HOOK3: variants seen among roughly 807,000 people sequenced by gnomAD.
The protein encoded by HOOK3 is protein Hook homolog 3.
In HOOK3, 24 loss-of-function variants were observed where a neutral mutation model predicts 116.3. The ratio of observed to expected loss-of-function variants is 0.21; its 90% CI spans 0.15 to 0.29. HOOK3 has a LOEUF of 0.29. Among genes scored for constraint, HOOK3 ranks in the 10% least tolerant of loss-of-function variants. HOOK3 has a pLI of 1.00. For missense variants in HOOK3, 632 were observed against 830.2 expected (o/e 0.76, Z 2.93); for synonymous variants, 275 against 283.0 (o/e 0.97, Z 0.28).
intron 8 of HOOK3, among the ~76,000 whole-genome samples, chr8:42,962,203 CT>C (rs1808545637): frequency 6.6e-6 from 1 of 151,770 alleles, no homozygotes; most frequent in Non-Finnish European, 1.5e-5. Context: ...CCACCTCAGC[CT>C]TCCAAATAGC....
At chr8:42,974,923 G>T (rs1024175048) in intron 13 of HOOK3, among the ~76,000 whole-genome samples, 2 of 152,222 alleles carry the variant, frequency 1.3e-5, no homozygotes, top group African/African-American at 4.8e-5. Context: ...CAGTCCAGCT[G>T]TCTGTGTGGA....
rs1353296020 is a variant in HOOK3 at position 43,015,573 on chromosome 8, T to C, written c.2016+2173T>C. 2.0e-5 allele frequency among the ~76,000 whole-genome samples: 3 copies of C among 152,164 alleles called. No homozygotes were observed. The East Asian group carries it at 5.8e-4, about 29-fold the overall frequency. On this transcript the variant is annotated intron_variant, in intron 21 of 21. Coordinates refer to ENST00000307602, the MANE Select transcript of HOOK3 (RefSeq NM_032410.4). ...TTCTTGAAAATTAAAATTCAAGAAA[T>C]AGAAAAAATAAAACTATATATTTAA...
intron 1 of HOOK3, among the ~76,000 whole-genome samples, chr8:42,902,276 CT>C (rs879696564): frequency 3.1e-3 from 439 of 143,242 alleles, no homozygotes; most frequent in Middle Eastern, 3.6e-3. Flanking sequence ...CTCTCTCTCT[CT>C]TTTTTTTTTT....
intron 13 of HOOK3, among the ~76,000 whole-genome samples, chr8:42,981,787 G>C (rs901507119): frequency 6.6e-6 from 1 of 150,864 alleles, no homozygotes; most frequent in Non-Finnish European, 1.5e-5. Flanking sequence ...AGCAGGCTGA[G>C]GTAGGAGAAT....
intron 2 of HOOK3, among the ~76,000 whole-genome samples, chr8:42,915,882 C>T (rs13271086): frequency 6.6e-6 from 1 of 152,182 alleles, no homozygotes; most frequent in African/African-American, 2.4e-5. Flanking sequence ...CAGATTTGCT[C>T]CTGAGAACCC....
At chr8:42,995,243 A>T (rs1809242544) in intron 15 of HOOK3, among the ~76,000 whole-genome samples, 1 of 151,448 alleles carries the variant, frequency 6.6e-6, no homozygotes, top group African/African-American at 2.4e-5. Context: ...GATTCTAAAC[A>T]CTCATTGTCT....
chr8:43,024,989 C>T lies in HOOK3; in HGVS notation c.*6491C>T, dbSNP rs1444970697. On this transcript the variant is annotated 3_prime_UTR_variant, in exon 22 of 22. Coordinates refer to ENST00000307602, the MANE Select transcript of HOOK3 (RefSeq NM_032410.4). The stretch of plus-strand genomic sequence containing the variant: ...AATAGCCTTTTATCAAACCATTTCA[C>T]ATGTATTATCTATATGACTATAGAA... 9.8e-6 allele frequency: 2 copies of T among 203,238 alleles called. No homozygotes were observed. The highest frequency in any genetic ancestry group is 2.3e-5 in the African/African-American group (1 of 43,754). The allele number at this position is 203,238 out of a possible 1,614,324, so 12.6% of individuals were successfully genotyped here. A position where few individuals can be genotyped will look rare whatever the true frequency, so the allele number is the denominator to read the frequency against.
rs1164136399 is a variant in HOOK3 at position 42,903,338 on chromosome 8, CTT to C, written c.58-2812_58-2811del. ...TACTGACTGTACTGTTAATAGTTGT[CTT>C]TTTTTTTTTTTTTTTTTTTTTTGAG... On this transcript the variant is annotated intron_variant, in intron 1 of 21. Transcript: ENST00000307602. Among the ~76,000 whole-genome samples the C allele has an allele frequency of 6.9e-3, 601 of 87,556 alleles. 2 individuals carry two copies. Among genetic ancestry groups the C allele is most frequent in the African/African-American group, 0.025 (527 of 21,048 alleles). 57.4% of individuals were successfully genotyped at this position (87,556 alleles called of 152,430 possible). A position where few individuals can be genotyped will look rare whatever the true frequency, so the allele number is the denominator to read the frequency against.
At chr8:42,961,469 G>GA (rs1377309567) in intron 8 of HOOK3, among the ~76,000 whole-genome samples, 1 of 152,182 alleles carries the variant, frequency 6.6e-6, no homozygotes, top group Non-Finnish European at 1.5e-5. Flanking sequence ...TGAGTGAAAT[G>GA]AATCAGTAAG....
intron 14 of HOOK3, among the ~76,000 whole-genome samples, chr8:42,983,328 T>C (rs564062183): frequency 0.016 from 2,285 of 142,456 alleles, 29 homozygotes; most frequent in Non-Finnish European, 0.022. Context: ...AGTGAGACTC[T>C]GTCTCAAAAA....
In HOOK3 at chr8:43,008,269, C is replaced by T. The variant is rs542787530; in HGVS notation, c.1738+340C>T. On this transcript the variant is annotated intron_variant, in intron 18 of 21. Transcript: ENST00000307602. Reference sequence around the variant, plus strand: ...TCCTGACCTCGTGATCTGCCCGCCTCGGCCTCCCAAAGTGCTGAGATTACA... The same window carrying T: ...TCCTGACCTCGTGATCTGCCCGCCTTGGCCTCCCAAAGTGCTGAGATTACA... 1.1e-4 allele frequency among the ~76,000 whole-genome samples: 16 copies of T among 152,130 alleles called. No homozygotes were observed. The East Asian group carries it at 2.7e-3, about 26-fold the overall frequency.
chr8:42,922,195 C>T (rs1024754356), intron 2 of HOOK3, among the ~76,000 whole-genome samples: 6 of 152,102 alleles, frequency 3.9e-5, no homozygotes, highest in Non-Finnish European at 8.8e-5. Flanking sequence ...TAGGCAGGAG[C>T]TTCTTAGATA....
chr8:42,939,636 C>T (rs1227019834), intron 4 of HOOK3, among the ~76,000 whole-genome samples: 7 of 150,842 alleles, frequency 4.6e-5, no homozygotes, highest in African/African-American at 1.7e-4. Context: ...CCCCCCACCT[C>T]CCTCCCGGAC....
intron 4 of HOOK3, among the ~76,000 whole-genome samples, chr8:42,937,876 G>A (rs1468506345): frequency 1.3e-5 from 2 of 152,178 alleles, no homozygotes; most frequent in Non-Finnish European, 2.9e-5. Context: ...TTGATTTGGG[G>A]TGGAGAGTTC....
At chr8:42,963,215 C>A (rs540658197) in intron 8 of HOOK3, among the ~76,000 whole-genome samples, 4 of 152,042 alleles carry the variant, frequency 2.6e-5, no homozygotes, top group Non-Finnish European at 5.9e-5. Context: ...ATATGAAATT[C>A]GGGATATTTT....
At chr8:42,947,418 A>G (rs970217010) in intron 5 of HOOK3, among the ~76,000 whole-genome samples, 1 of 152,188 alleles carries the variant, frequency 6.6e-6, no homozygotes, top group Non-Finnish European at 1.5e-5. Flanking sequence ...TTTACTACAG[A>G]ATAGGACTAG....
intron 10 of HOOK3, among the ~76,000 whole-genome samples, chr8:42,967,255 T>C (rs1347487970): frequency 6.6e-6 from 1 of 151,984 alleles, no homozygotes; most frequent in Admixed American, 6.6e-5. Flanking sequence ...AGGATTCTAC[T>C]CCCCGGCTGC....
At position 43,019,446 on chromosome 8, in the gene HOOK3, A is replaced by G. The variant is rs1809783810; in HGVS notation, c.*948A>G. On this transcript the variant is annotated 3_prime_UTR_variant, in exon 22 of 22. Transcript: ENST00000307602. ...GCCCCATTTGTTTTACTTGTTCTTT[A>G]ATATAAACCCTTCCATTTTTTAACA... The G allele has an allele frequency of 4.8e-6, 1 of 210,478 alleles. No individual in the cohort carries two copies. The highest frequency in any genetic ancestry group is 1.9e-4 in the South Asian group (1 of 5,348). The allele number at this position is 210,478 out of a possible 1,614,324, so 13.0% of individuals were successfully genotyped here.
chr8:42,939,471 C>T (rs1434530900), intron 4 of HOOK3, among the ~76,000 whole-genome samples: 5 of 143,792 alleles, frequency 3.5e-5, no homozygotes, highest in South Asian at 2.2e-4. Flanking sequence ...TAGGGGCGGC[C>T]GGGCAGAGGC....
Sources: gnomAD v4.1 joint callset for allele counts (sites outside exome capture counted in the v4.1 genomes callset) on GRCh38, gnomAD v4.1.1 for gene constraint, MANE v1.5 for transcripts, NCBI Gene and HGNC (gene_info 2026-07-23, HGNC 2026-07-21) for gene names.